GNAL: variants seen among roughly 807,000 people sequenced by gnomAD.
GNAL encodes the protein G protein subunit alpha L.
GNAL carries 18 observed loss-of-function variants against 55.1 expected under a neutral mutation model. The ratio of observed to expected loss-of-function variants is 0.33; its 90% CI spans 0.23 to 0.48. The LOEUF (loss-of-function observed/expected upper bound fraction) is 0.48. Ranked by LOEUF, GNAL falls within the 20% of genes least tolerant of loss-of-function variation. The pLI, the probability that GNAL is intolerant of heterozygous loss-of-function variation, is 0.99. For synonymous variants in GNAL, 253 were observed against 237.0 expected, an observed-to-expected ratio of 1.07 and a Z score of -0.62; for missense variants, 412 against 614.1, an observed-to-expected ratio of 0.67 and a Z score of 3.48.
chr18:11,774,101 T>A (rs911098785), intron 4 of GNAL, among the ~76,000 whole-genome samples: 1 of 152,190 alleles, frequency 6.6e-6, no homozygotes, highest in South Asian at 2.1e-4. Context: ...ATTCAGTAAA[T>A]GTGAGATGTC....
chr18:11,884,583 G>C lies in GNAL; in HGVS notation c.*3448G>C, dbSNP rs2036891928. ...TGATCAAAACCACATCCTCACGTGG[G>C]AGGTAGCACTTGGAGAGGGTGTAGT... is the stretch of plus-strand genomic sequence containing the variant. On this transcript the variant is annotated 3_prime_UTR_variant, in exon 12 of 12. Transcript: ENST00000334049. 3 of 1,613,964 alleles carry C rather than the reference G, an allele frequency of 1.9e-6. No individual in the cohort carries two copies. In the South Asian group the frequency reaches 3.3e-5, roughly 18 times the overall value.
chr18:11,711,195 C>T (rs1483374833), intron 1 of GNAL, among the ~76,000 whole-genome samples: 2 of 152,140 alleles, frequency 1.3e-5, no homozygotes, highest in African/African-American at 4.8e-5. Context: ...ACTACTTTGG[C>T]TTTATCCTGT....
In GNAL at chr18:11,872,517, T is replaced by C. The variant is rs2071140; in HGVS notation, c.1162+119T>C. ...GAAATTCACTTTATTTAAATCAATTTTCTTTCTACTGCCCATATCCTAAAG... is the reference window on the plus strand; with the variant it reads ...GAAATTCACTTTATTTAAATCAATTCTCTTTCTACTGCCCATATCCTAAAG... On this transcript the variant is annotated intron_variant, in intron 10 of 11. Transcript: ENST00000334049. 0.23 allele frequency: 154,554 copies of C among 678,626 alleles called. 18,851 individuals are homozygous for C. Among genetic ancestry groups the C allele is most frequent in the African/African-American group, 0.37 (19,553 of 52,534 alleles). The allele number at this position is 678,626 out of a possible 1,614,324, so 42.0% of individuals were successfully genotyped here. A position where few individuals can be genotyped will look rare whatever the true frequency, so the allele number is the denominator to read the frequency against.
At chr18:11,769,423 A>T (rs2033563446) in intron 4 of GNAL, among the ~76,000 whole-genome samples, 1 of 151,996 alleles carries the variant, frequency 6.6e-6, no homozygotes, top group Non-Finnish European at 1.5e-5. Flanking sequence ...CCATATCCCC[A>T]TCACAAAATC....
chr18:11,754,260 C>CA (rs1270928943), intron 4 of GNAL, among the ~76,000 whole-genome samples: 2 of 151,804 alleles, frequency 1.3e-5, no homozygotes, highest in Non-Finnish European at 2.9e-5. Flanking sequence ...ACGAAAAATA[C>CA]AAAAAAATTA....
intron 1 of GNAL, chr18:11,746,136 CA>C: frequency 1.8e-6 from 1 of 542,572 alleles, no homozygotes; most frequent in Non-Finnish European, 3.7e-6. Context: ...TGTTCTGGGA[CA>C]CTATGAAGTT....
At chr18:11,793,201 A>G (rs1325287733) in intron 4 of GNAL, among the ~76,000 whole-genome samples, 1 of 152,222 alleles carries the variant, frequency 6.6e-6, no homozygotes. Context: ...AAAGGACATA[A>G]GAAAGCAAAA....
At chr18:11,787,902 A>G (rs867822831) in intron 4 of GNAL, among the ~76,000 whole-genome samples, 2 of 151,800 alleles carry the variant, frequency 1.3e-5, no homozygotes, top group Middle Eastern at 3.4e-3. Flanking sequence ...ATATCTGCTT[A>G]ATAGGATCAT....
chr18:11,844,930 A>T (rs1402720177), intron 5 of GNAL, among the ~76,000 whole-genome samples: 1 of 151,926 alleles, frequency 6.6e-6, no homozygotes, highest in Non-Finnish European at 1.5e-5. Context: ...CAATGATGTG[A>T]TCTTGGCTCA....
chr18:11,771,223 A>G (rs977620525), intron 4 of GNAL, among the ~76,000 whole-genome samples: 4 of 151,822 alleles, frequency 2.6e-5, no homozygotes, highest in Non-Finnish European at 5.9e-5. Flanking sequence ...TGTAAAAAAA[A>G]AAAAAAAAGA....
Position 11,883,873 on chromosome 18 carries a change from C to G in GNAL, c.*2738C>G, listed in dbSNP as rs909310519. ...GCTTGGCTAATTTTTGTATTTCTAG[C>G]GGAGACGAGGTTTCACCATGTTGGC... On this transcript the variant is annotated 3_prime_UTR_variant, in exon 12 of 12. Transcript: ENST00000334049. 1 of 152,114 alleles carries G rather than the reference C, an allele frequency of 6.6e-6. No homozygotes were observed. The highest frequency in any genetic ancestry group is 1.5e-5 in the Non-Finnish European group (1 of 68,120). The allele number at this position is 152,114 out of a possible 1,614,324, so 9.4% of individuals were successfully genotyped here.
At chr18:11,854,890 C>T (rs2035968144) in intron 5 of GNAL, among the ~76,000 whole-genome samples, 2 of 152,220 alleles carry the variant, frequency 1.3e-5, no homozygotes, top group Non-Finnish European at 2.9e-5. Flanking sequence ...GTTAGTATGG[C>T]TTTTTCTTGC....
At chr18:11,774,936 C>A (rs963115009) in intron 4 of GNAL, among the ~76,000 whole-genome samples, 3 of 152,318 alleles carry the variant, frequency 2.0e-5, no homozygotes, top group South Asian at 2.1e-4. Context: ...ACTACATGAG[C>A]CATCTATCTG....
At position 11,689,382 on chromosome 18, in the gene GNAL, G is replaced by A. The variant is rs1352799325; in HGVS notation, c.-182G>A. On this transcript the variant is annotated 5_prime_UTR_variant, in exon 1 of 12. Transcript: ENST00000334049. ...GGGGCAGTGAGGGGCTGTGGCCCTC[G>A]GCCCCGGCCTGCCGCACCCCCTTCC... 3 of 354,498 alleles carry A rather than the reference G, an allele frequency of 8.5e-6. No individual in the cohort carries two copies. Among genetic ancestry groups the A allele is most frequent in the African/African-American group, 4.3e-5 (2 of 46,834 alleles). The allele number at this position is 354,498 out of a possible 1,614,324, so 22.0% of individuals were successfully genotyped here.
At chr18:11,728,173 C>T (rs1347783245) in intron 1 of GNAL, among the ~76,000 whole-genome samples, 1 of 151,928 alleles carries the variant, frequency 6.6e-6, no homozygotes, top group East Asian at 1.9e-4. Flanking sequence ...GTGATCACAC[C>T]ACTCCACTCC....
chr18:11,828,816 G>A (rs1365141961), intron 5 of GNAL, among the ~76,000 whole-genome samples: 6 of 152,172 alleles, frequency 3.9e-5, no homozygotes, highest in African/African-American at 9.7e-5. Context: ...CCCCACCCCC[G>A]ACCACTGTGT....
intron 1 of GNAL, among the ~76,000 whole-genome samples, chr18:11,708,751 G>A (rs2031770922): frequency 6.6e-6 from 1 of 152,184 alleles, no homozygotes; most frequent in Admixed American, 6.5e-5. Context: ...TCAGTAGGTT[G>A]CCTCTTCATT....
chr18:11,713,468 G>A (rs2031883991), intron 1 of GNAL, among the ~76,000 whole-genome samples: 1 of 152,164 alleles, frequency 6.6e-6, no homozygotes, highest in South Asian at 2.1e-4. Context: ...GTCAAGTTGT[G>A]GCCATTTGGA....
At chr18:11,753,802 A>G (rs11660986) in intron 3 of GNAL, 24 bp from the exon 4 acceptor site, 27,088 of 1,578,680 alleles carry the variant, frequency 0.017, 281 homozygotes, top group Non-Finnish European at 0.021. Context: ...GTTTATCCAT[A>G]TTTTTTTTCT....
Sources: allele counts gnomAD v4.1 joint callset (sites outside exome capture counted in the v4.1 genomes callset), GRCh38; gene constraint gnomAD v4.1.1; transcripts MANE v1.5; gene names NCBI Gene and HGNC (gene_info 2026-07-23, HGNC 2026-07-21).